The following KIAA1217 variants were observed in gnomAD, a reference collection of about 807,000 sequenced individuals.
The protein encoded by KIAA1217 is KIAA1217.
In KIAA1217, 88 loss-of-function variants were observed where a neutral mutation model predicts 163.9. The ratio of observed to expected loss-of-function variants is 0.54; its 90% CI spans 0.45 to 0.64. The LOEUF is 0.64. Ranked by LOEUF, KIAA1217 falls within the 30% of genes least tolerant of loss-of-function variation. KIAA1217 has a pLI of 0.00. For synonymous variants in KIAA1217, 903 were observed against 923.1 expected, an observed-to-expected ratio of 0.98 and a Z score of 0.39; for missense variants, 2,372 against 2,475.0, an observed-to-expected ratio of 0.96 and a Z score of 0.88.
intron 1 of KIAA1217, among the ~76,000 whole-genome samples, chr10:23,783,093 G>T (rs1047230074): frequency 1.3e-5 from 2 of 152,154 alleles, no homozygotes; most frequent in African/African-American, 4.8e-5. Flanking sequence ...TTAGATCAGG[G>T]TTTTCCAATC....
intron 2 of KIAA1217, among the ~76,000 whole-genome samples, chr10:24,374,757 G>A (rs898082326): frequency 3.3e-5 from 5 of 152,126 alleles, no homozygotes; most frequent in African/African-American, 1.2e-4. Flanking sequence ...GCATAGCTAA[G>A]CCTTGCTGTT....
intron 1 of KIAA1217, among the ~76,000 whole-genome samples, chr10:23,909,125 T>C (rs1320132543): frequency 6.6e-6 from 1 of 152,138 alleles, no homozygotes; most frequent in Admixed American, 6.6e-5. Flanking sequence ...CATCATACGT[T>C]CTCACTTGTA....
chr10:24,082,857 C>T (rs559855117), intron 2 of KIAA1217, among the ~76,000 whole-genome samples: 1 of 152,294 alleles, frequency 6.6e-6, no homozygotes, highest in East Asian at 1.9e-4. Context: ...TTTACATTCC[C>T]ACCAACAGTG....
At chr10:24,310,014 G>C (rs767670391) in intron 2 of KIAA1217, among the ~76,000 whole-genome samples, 1 of 152,144 alleles carries the variant, frequency 6.6e-6, no homozygotes, top group South Asian at 2.1e-4. Flanking sequence ...AAGAGATCAT[G>C]TCCTAACTAG....
intron 1 of KIAA1217, among the ~76,000 whole-genome samples, chr10:23,934,491 C>A (rs561201461): frequency 8.0e-6 from 1 of 125,366 alleles, no homozygotes; most frequent in African/African-American, 3.5e-5. Flanking sequence ...ACATGTATCT[C>A]ATTTTCTTTC....
rs887930405 is a variant in KIAA1217 at position 24,145,022 on chromosome 10, G to C, written c.-170-74604G>C. Among the ~76,000 whole-genome samples the C allele has an allele frequency of 2.0e-5, 3 of 152,176 alleles. No individual in the cohort carries two copies. The South Asian group carries it at 6.2e-4, about 31-fold the overall frequency. ...AGTTAATGATTATCATCTTATTTGGGTTTTCATTATAGATCAAAGAATACT... is the reference window on the plus strand; with the variant it reads ...AGTTAATGATTATCATCTTATTTGGCTTTTCATTATAGATCAAAGAATACT... On this transcript the variant is annotated intron_variant, in intron 2 of 18. Transcript: ENST00000376462.
intron 2 of KIAA1217, among the ~76,000 whole-genome samples, chr10:24,152,688 C>T (rs553284101): frequency 2.9e-4 from 43 of 150,458 alleles, no homozygotes; most frequent in African/African-American, 1.5e-4. Flanking sequence ...TTGTCTAACA[C>T]GTAAATAAAC....
chr10:23,764,214 C>T lies in KIAA1217; in HGVS notation c.-321+68980C>T, dbSNP rs1160769609. On this transcript the variant is annotated intron_variant, in intron 1 of 18. Coordinates refer to the KIAA1217 transcript ENST00000376462. Reference sequence around the variant, plus strand: ...TAACATATGAAAAAAAGCTGAACATCACTGCTCACCAAAGAAATGAAAATA... The same window carrying T: ...TAACATATGAAAAAAAGCTGAACATTACTGCTCACCAAAGAAATGAAAATA... Among the ~76,000 whole-genome samples, 3 of 152,156 alleles carry T rather than the reference C, an allele frequency of 2.0e-5. No homozygotes were observed. In the South Asian group the frequency reaches 6.2e-4, roughly 32 times the overall value.
intron 1 of KIAA1217, among the ~76,000 whole-genome samples, chr10:23,978,747 A>C (rs954899585): frequency 2.6e-5 from 4 of 152,200 alleles, no homozygotes; most frequent in Admixed American, 1.3e-4. Context: ...AAACATACAC[A>C]GAAAGTGCAA....
chr10:24,407,642 A>G (rs1350666330), intron 3 of KIAA1217, among the ~76,000 whole-genome samples: 10 of 152,186 alleles, frequency 6.6e-5, no homozygotes, highest in African/African-American at 2.4e-4. Flanking sequence ...AACCAAAGGC[A>G]AAGTATCAGA....
intron 2 of KIAA1217, among the ~76,000 whole-genome samples, chr10:24,341,762 C>A (rs1034248492): frequency 1.3e-5 from 2 of 152,038 alleles, no homozygotes; most frequent in African/African-American, 4.8e-5. Context: ...TAACTAATAG[C>A]CTTAGACAAG....
intron 14 of KIAA1217, among the ~76,000 whole-genome samples, chr10:24,528,729 G>A (rs538331672): frequency 3.4e-4 from 51 of 151,932 alleles, no homozygotes; most frequent in Middle Eastern, 3.4e-3. Context: ...TAGTGTTTGC[G>A]TTTTCTATGC....
chr10:24,172,717 A>C (rs2131919342), intron 2 of KIAA1217, among the ~76,000 whole-genome samples: 1 of 152,346 alleles, frequency 6.6e-6, no homozygotes, highest in Admixed American at 6.5e-5. Context: ...AGTTGACCAG[A>C]GACATCAACA....
chr10:23,823,716 G>C (rs1374895723), intron 1 of KIAA1217, among the ~76,000 whole-genome samples: 1 of 152,054 alleles, frequency 6.6e-6, no homozygotes, highest in Non-Finnish European at 1.5e-5. Context: ...AGAAAACAAA[G>C]AATATAAAAG....
At chr10:24,210,466 C>T (rs531184164) in intron 1 of KIAA1217, among the ~76,000 whole-genome samples, 1 of 136,700 alleles carries the variant, frequency 7.3e-6, no homozygotes, top group South Asian at 2.8e-4. Context: ...CCCTGACCCC[C>T]GCAACCCCCC....
chr10:23,873,553 T>C (rs1840557214), intron 1 of KIAA1217, among the ~76,000 whole-genome samples: 1 of 151,980 alleles, frequency 6.6e-6, no homozygotes, highest in South Asian at 2.1e-4. Flanking sequence ...ATCTAAGCAA[T>C]GTTTGAGTTT....
chr10:23,774,015 G>A (rs545789448), intron 1 of KIAA1217, among the ~76,000 whole-genome samples: 23 of 152,218 alleles, frequency 1.5e-4, no homozygotes, highest in African/African-American at 4.8e-4. Flanking sequence ...GAGTGGTGAG[G>A]GAGGGCATCC....
Position 24,494,586 on chromosome 10 carries a change from A to C in KIAA1217, c.1766A>C (p.Tyr589Ser), listed in dbSNP as rs753061548. The change falls in exon 7 of 21, where the codon TAT becomes TCT. Residue 589 changes from tyrosine to serine, a missense_variant. This residue lies in a region of KIAA1217 where 1,431 missense variants were observed against 1,470.3 expected (regional missense o/e 0.97). Transcript: ENST00000376454. ...SALFKGPITS[Y>S]SKDASSEKMM... ...CTTTTTAAAGGGCCCATTACAAGTTATAGCAAAGATGCGTCTAGGTAAAAA... is the reference window on the plus strand; with the variant it reads ...CTTTTTAAAGGGCCCATTACAAGTTCTAGCAAAGATGCGTCTAGGTAAAAA... 6.2e-7 allele frequency: 1 copy of C among 1,611,042 alleles called. No homozygotes were observed. The highest frequency in any genetic ancestry group is 1.7e-5 in the Admixed American group (1 of 59,718).
At chr10:23,946,264 G>T (rs1437747348) in intron 1 of KIAA1217, among the ~76,000 whole-genome samples, 1 of 71,488 alleles carries the variant, frequency 1.4e-5, no homozygotes. Flanking sequence ...TGTCTCTTCC[G>T]TTTAAAAAAA....
Sources: allele counts gnomAD v4.1 joint callset (sites outside exome capture counted in the v4.1 genomes callset), GRCh38; gene constraint gnomAD v4.1.1; regional missense constraint gnomAD v4.1.1; transcripts MANE v1.5; gene names NCBI Gene and HGNC (gene_info 2026-07-23, HGNC 2026-07-21).